Variants in TSPAN9 observed in about 807,000 individuals in gnomAD.
TSPAN9 encodes tetraspanin-9.
Under a neutral mutation model 31.0 loss-of-function variants are expected in TSPAN9, and 16 were observed. The ratio of observed to expected loss-of-function variants is 0.52; its 90% CI spans 0.35 to 0.78. TSPAN9 has a LOEUF of 0.78. Ranked by LOEUF, TSPAN9 falls within the 30% of genes least tolerant of loss-of-function variation. The probability of loss-of-function intolerance (pLI) is 0.01; values close to 1 mark genes in which losing one functional copy is unlikely to be tolerated. For synonymous variants in TSPAN9, 145 were observed against 121.6 expected (o/e 1.19, Z -1.27); for missense variants, 272 against 312.5 (o/e 0.87, Z 0.98).
At chr12:3,275,890 C>T (rs1862776298) in intron 3 of TSPAN9, among the ~76,000 whole-genome samples, 1 of 152,250 alleles carries the variant, frequency 6.6e-6, no homozygotes, top group Non-Finnish European at 1.5e-5. Flanking sequence ...TCTGTTCCTA[C>T]CTTTTTCTTC....
In TSPAN9 at chr12:3,172,074, C is replaced by A. The variant is rs1160418487; in HGVS notation, c.-17-29103C>A. ...AGCTGGATGATAAACGAAAGTGGGA[C>A]AGAGCTGCAGGATAAATATTGCTAC... On this transcript the variant is annotated intron_variant, in intron 2 of 8. Transcript: ENST00000011898. The surrounding 1 kb of genome is among the most constrained non-coding windows in gnomAD (Gnocchi z 4.8). 6.6e-6 allele frequency: 1 copy of A among 152,230 alleles called. No individual in the cohort carries two copies. Among genetic ancestry groups the A allele is most frequent in the Non-Finnish European group, 1.5e-5 (1 of 68,070 alleles). 9.4% of individuals were successfully genotyped at this position (152,230 alleles called of 1,614,324 possible).
intron 1 of TSPAN9, among the ~76,000 whole-genome samples, chr12:3,082,947 T>C (rs1051583663): frequency 6.6e-6 from 1 of 152,206 alleles, no homozygotes; most frequent in Admixed American, 6.5e-5. Context: ...TCTCAAGAAA[T>C]GAAGCTTGCA....
intron 3 of TSPAN9, among the ~76,000 whole-genome samples, chr12:3,221,361 T>TC (rs72148686): frequency 0.053 from 2,365 of 44,888 alleles, 58 homozygotes; most frequent in East Asian, 0.31. Flanking sequence ...TATTTTTCTC[T>TC]TTTTTTTTTT....
chr12:3,158,547 T>C (rs4766052), intron 2 of TSPAN9, among the ~76,000 whole-genome samples: 149,300 of 152,108 alleles, frequency 0.98, 73,327 homozygotes, highest in East Asian at 1. Context: ...CATGGTGAAA[T>C]CCCATCTCTA....
In TSPAN9 at chr12:3,143,607, G is replaced by A. The variant is rs1435867662; in HGVS notation, c.-17-57570G>A. ...TAAAAAGTATAAATGTATGGATATA[G>A]GATATATAATAAATATCAGGATATA... On this transcript the variant is annotated intron_variant, in intron 2 of 8. Transcript: ENST00000011898. The surrounding 1 kb of genome is among the most constrained non-coding windows in gnomAD (Gnocchi z 4.2). Among the ~76,000 whole-genome samples the A allele has an allele frequency of 6.6e-6, 1 of 152,114 alleles. No individual in the cohort carries two copies. Among genetic ancestry groups the A allele is most frequent in the African/African-American group, 2.4e-5 (1 of 41,426 alleles).
chr12:3,089,666 T>G (rs1432999360), intron 2 of TSPAN9, among the ~76,000 whole-genome samples: 1 of 151,976 alleles, frequency 6.6e-6, no homozygotes, highest in Non-Finnish European at 1.5e-5. Flanking sequence ...CTCCCAGCAC[T>G]CTGGGGGGCC....
chr12:3,105,197 G>C (rs540533012), intron 2 of TSPAN9, among the ~76,000 whole-genome samples: 23 of 152,228 alleles, frequency 1.5e-4, no homozygotes, highest in African/African-American at 5.3e-4. Context: ...GCTTTCTGCC[G>C]CCGACTTGGG....
intron 3 of TSPAN9, among the ~76,000 whole-genome samples, chr12:3,248,918 A>G (rs1213991325): frequency 6.6e-6 from 1 of 151,922 alleles, no homozygotes; most frequent in Non-Finnish European, 1.5e-5. Flanking sequence ...CAGGCTGGAA[A>G]CCTCTGTCTG....
chr12:3,253,949 T>G (rs1251318411), intron 3 of TSPAN9, among the ~76,000 whole-genome samples: 1 of 152,162 alleles, frequency 6.6e-6, no homozygotes, highest in African/African-American at 2.4e-5. Context: ...GGGTGGAGCC[T>G]GTGAAAATGC....
At chr12:3,178,128 ATTC>A (rs2098356844) in intron 2 of TSPAN9, among the ~76,000 whole-genome samples, 1 of 152,036 alleles carries the variant, frequency 6.6e-6, no homozygotes, top group Non-Finnish European at 1.5e-5. Flanking sequence ...TGTATCTGCC[ATTC>A]TTATCTTTTT....
At chr12:3,125,456 G>A (rs1040125981) in intron 2 of TSPAN9, among the ~76,000 whole-genome samples, 3 of 151,970 alleles carry the variant, frequency 2.0e-5, no homozygotes, top group Non-Finnish European at 2.9e-5. Flanking sequence ...TCCCCCCGCA[G>A]TTTTCTCCCT....
Position 3,279,086 on chromosome 12 carries a change from A to C in TSPAN9, c.330+20A>C, listed in dbSNP as rs773801275. 7 of 1,610,720 alleles carry C rather than the reference A, an allele frequency of 4.3e-6. No individual in the cohort carries two copies. The South Asian group carries it at 6.6e-5, about 15-fold the overall frequency. ...GACAAGGTAAGCCTTACCAGATGGGAGGGGGCATATGGAATGTCACTGCCC... is the reference window on the plus strand; with the variant it reads ...GACAAGGTAAGCCTTACCAGATGGGCGGGGGCATATGGAATGTCACTGCCC... On this transcript the variant is annotated intron_variant, in intron 5 of 8. Transcript: ENST00000011898.
rs1284308735 is a variant in TSPAN9 at position 3,284,295 on chromosome 12, T to A, written c.*1179T>A. 1 of 152,516 alleles carries A rather than the reference T, an allele frequency of 6.6e-6. No individual in the cohort carries two copies. The highest frequency in any genetic ancestry group is 2.4e-5 in the African/African-American group (1 of 41,448). The allele number at this position is 152,516 out of a possible 1,614,324, so 9.4% of individuals were successfully genotyped here. A position where few individuals can be genotyped will look rare whatever the true frequency, so the allele number is the denominator to read the frequency against. ...GGGAAGCAGTCCTTAGGTTTTGCTGTGCTGGGACAGTGGCAGGGGACCCAC... is the reference window on the plus strand; with the variant it reads ...GGGAAGCAGTCCTTAGGTTTTGCTGAGCTGGGACAGTGGCAGGGGACCCAC... On this transcript the variant is annotated 3_prime_UTR_variant, in exon 9 of 9. Transcript: ENST00000011898.
intron 2 of TSPAN9, among the ~76,000 whole-genome samples, chr12:3,109,124 AC>A (rs759112461): frequency 4.9e-4 from 74 of 151,480 alleles, no homozygotes; most frequent in Non-Finnish European, 7.1e-4. Flanking sequence ...TTTAGTAGAG[AC>A]GGGGGTTTCA....
intron 3 of TSPAN9, among the ~76,000 whole-genome samples, chr12:3,210,413 A>G (rs192128298): frequency 6.6e-6 from 1 of 152,328 alleles, no homozygotes; most frequent in East Asian, 1.9e-4. Context: ...CATTTCTTTG[A>G]TCACTAGTGG....
intron 2 of TSPAN9, among the ~76,000 whole-genome samples, chr12:3,095,437 G>A (rs2098307677): frequency 6.8e-6 from 1 of 147,832 alleles, no homozygotes; most frequent in South Asian, 2.2e-4. Context: ...TCACTTCCCA[G>A]TAGGGGCGGC....
chr12:3,255,268 T>C (rs1013104150), intron 3 of TSPAN9, among the ~76,000 whole-genome samples: 3 of 152,242 alleles, frequency 2.0e-5, no homozygotes, highest in African/African-American at 7.2e-5. Flanking sequence ...GAGCTGTGCA[T>C]GGACCTCATC....
intron 2 of TSPAN9, among the ~76,000 whole-genome samples, chr12:3,124,011 T>A (rs2098326259): frequency 1.3e-5 from 2 of 152,204 alleles, no homozygotes; most frequent in Non-Finnish European, 2.9e-5. Flanking sequence ...CAGCTGCCTC[T>A]GATGTAAGAT....
chr12:3,266,278 T>TC (rs2153979520), intron 3 of TSPAN9, among the ~76,000 whole-genome samples: 1 of 152,298 alleles, frequency 6.6e-6, no homozygotes, highest in African/African-American at 2.4e-5. Context: ...GTCCTGGGTT[T>TC]CTTCACTGAA....
Sources: allele counts gnomAD v4.1 joint callset (sites outside exome capture counted in the v4.1 genomes callset), GRCh38; gene constraint gnomAD v4.1.1; non-coding constraint Gnocchi (gnomAD v3.1); transcripts MANE v1.5; gene names NCBI Gene and HGNC (gene_info 2026-07-23, HGNC 2026-07-21).